The following FAT3 variants were observed in gnomAD, a reference collection of about 807,000 sequenced individuals.
FAT3 encodes FAT atypical cadherin 3, also known as protocadherin Fat 3.
In FAT3, 95 loss-of-function variants were observed where a neutral mutation model predicts 310.2. The observed-to-expected ratio is 0.31, with a 90% CI of 0.26 to 0.36. FAT3 has a LOEUF of 0.36. Ranked by LOEUF, FAT3 falls within the 10% of genes least tolerant of loss-of-function variation. FAT3 has a pLI of 1.00. For missense variants in FAT3, 5,408 were observed against 5,715.6 expected, an observed-to-expected ratio of 0.95 and a Z score of 1.74; for synonymous variants, 2,314 against 2,192.9, an observed-to-expected ratio of 1.06 and a Z score of -1.54.
chr11:92,386,753 G>A (rs1282701805), intron 2 of FAT3, among the ~76,000 whole-genome samples: 5 of 152,138 alleles, frequency 3.3e-5, no homozygotes, highest in Non-Finnish European at 7.3e-5. Flanking sequence ...TTTTATTTGG[G>A]GATTTCCTTG....
chr11:92,524,533 C>A, intron 2 of FAT3, 101 bp from the exon 3 acceptor site: 2 of 1,163,944 alleles, frequency 1.7e-6, no homozygotes, highest in South Asian at 1.6e-5. Context: ...GGGTGTTTTT[C>A]ATATGCCAAG....
intron 3 of FAT3, among the ~76,000 whole-genome samples, chr11:92,678,664 G>A (rs776211371): frequency 6.6e-6 from 1 of 152,182 alleles, no homozygotes; most frequent in South Asian, 2.1e-4. Context: ...AAGACTCCGA[G>A]TTTTTTAAAT....
chr11:92,784,188 C>T (rs1946829829), intron 7 of FAT3, among the ~76,000 whole-genome samples: 1 of 152,018 alleles, frequency 6.6e-6, no homozygotes, highest in Admixed American at 6.6e-5. Flanking sequence ...ACTGGTAAAC[C>T]AGAAATAATA....
chr11:92,464,328 C>A (rs1433223942), intron 2 of FAT3, among the ~76,000 whole-genome samples: 1 of 152,222 alleles, frequency 6.6e-6, no homozygotes, highest in African/African-American at 2.4e-5. Context: ...TGGGGGCCCA[C>A]AGAGTAAGTT....
At chr11:92,381,314 G>T (rs1949490289) in intron 2 of FAT3, among the ~76,000 whole-genome samples, 1 of 152,164 alleles carries the variant, frequency 6.6e-6, no homozygotes, top group Admixed American at 6.5e-5. Flanking sequence ...AGGAGTTTGA[G>T]TCTAGCCTAG....
chr11:92,598,114 A>G (rs1426550829), intron 3 of FAT3, among the ~76,000 whole-genome samples: 1 of 151,900 alleles, frequency 6.6e-6, no homozygotes, highest in African/African-American at 2.4e-5. Flanking sequence ...TCATGTGCAT[A>G]ATCAGACACA....
intron 3 of FAT3, among the ~76,000 whole-genome samples, chr11:92,557,355 T>C (rs951245323): frequency 6.6e-6 from 1 of 152,140 alleles, no homozygotes; most frequent in African/African-American, 2.4e-5. Flanking sequence ...GTGCCCGGGC[T>C]GATGACTTGT....
At chr11:92,303,389 C>T (rs1388239568) in intron 1 of FAT3, among the ~76,000 whole-genome samples, 1 of 152,078 alleles carries the variant, frequency 6.6e-6, no homozygotes, top group East Asian at 1.9e-4. Flanking sequence ...ATCACAATAT[C>T]TAGCAGCTCT....
At chr11:92,722,694 A>G (rs1005647637) in intron 4 of FAT3, among the ~76,000 whole-genome samples, 3 of 152,074 alleles carry the variant, frequency 2.0e-5, no homozygotes, top group Non-Finnish European at 4.4e-5. Context: ...GCATTTCTCT[A>G]TATCTTCTGA....
At chr11:92,628,706 C>G (rs1941430026) in intron 3 of FAT3, among the ~76,000 whole-genome samples, 1 of 152,204 alleles carries the variant, frequency 6.6e-6, no homozygotes, top group African/African-American at 2.4e-5. Flanking sequence ...AGGAGATTGT[C>G]CACTCTTGTC....
In FAT3 at chr11:92,315,512, T is replaced by C. The variant is rs71458698; in HGVS notation, c.-17-36584T>C. ...ATATATATATATATATATATATATA[T>C]AGAGAGAGAGAGAGAGAGAGAGAGA... On this transcript the variant is annotated intron_variant, in intron 1 of 27. Coordinates refer to ENST00000525166, the MANE Select transcript of FAT3 (RefSeq NM_001367949.2). 4.8e-3 allele frequency among the ~76,000 whole-genome samples: 268 copies of C among 56,196 alleles called. 1 individual carries two copies. Among genetic ancestry groups the C allele is most frequent in the Middle Eastern group, 0.016 (1 of 62 alleles). 36.9% of individuals were successfully genotyped at this position (56,196 alleles called of 152,430 possible).
intron 1 of FAT3, among the ~76,000 whole-genome samples, chr11:92,324,464 G>GGA (rs1565226859): frequency 6.6e-6 from 1 of 152,120 alleles, no homozygotes; most frequent in African/African-American, 2.4e-5. Flanking sequence ...CCGAGGAGAG[G>GGA]GAGAGAGATG....
intron 2 of FAT3, among the ~76,000 whole-genome samples, chr11:92,372,053 C>T (rs1257228481): frequency 6.6e-6 from 1 of 152,156 alleles, no homozygotes; most frequent in Non-Finnish European, 1.5e-5. Context: ...CTGAGAACCA[C>T]TCTATTTTGG....
intron 2 of FAT3, among the ~76,000 whole-genome samples, chr11:92,358,661 G>A (rs2134662885): frequency 6.6e-6 from 1 of 152,236 alleles, no homozygotes; most frequent in Admixed American, 6.5e-5. Context: ...GAGCTGATGA[G>A]GAGTGACCAT....
intron 1 of FAT3, among the ~76,000 whole-genome samples, chr11:92,280,380 G>T (rs1017675409): frequency 1.4e-4 from 21 of 152,092 alleles, no homozygotes; most frequent in Admixed American, 7.9e-4. Context: ...TAATTGAAAA[G>T]GTGTACTTTG....
intron 1 of FAT3, among the ~76,000 whole-genome samples, chr11:92,230,161 T>A (rs1864108079): frequency 1.3e-5 from 2 of 152,204 alleles, no homozygotes; most frequent in African/African-American, 4.8e-5. Flanking sequence ...AGGAAAGTTG[T>A]TTCTTTAACT....
intron 13 of FAT3, among the ~76,000 whole-genome samples, chr11:92,828,210 T>C (rs1948148153): frequency 6.6e-6 from 1 of 151,970 alleles, no homozygotes; most frequent in African/African-American, 2.4e-5. Flanking sequence ...GTGTCCACTT[T>C]AGCAACATGA....
At chr11:92,374,677 T>C (rs1018015918) in intron 2 of FAT3, among the ~76,000 whole-genome samples, 2 of 152,160 alleles carry the variant, frequency 1.3e-5, no homozygotes, top group Admixed American at 6.5e-5. Flanking sequence ...TAAGAGTGAA[T>C]CAAAAGTCGT....
rs184923010 is a variant in FAT3, at chr11:92,801,923, C to T, written c.8896+14C>T. 4,933 of 1,604,300 alleles carry T rather than the reference C, an allele frequency of 3.1e-3. 9 individuals are homozygous for T. Among genetic ancestry groups the T allele is most frequent in the Non-Finnish European group, 3.9e-3 (4,525 of 1,173,384 alleles). On this transcript the variant is annotated intron_variant, in intron 10 of 27. Transcript: ENST00000525166. ...ACCATATTACAGGTGAGTAAATACC[C>T]CCAGTTTTCATTATGTGCACTGCTT...
Sources: gnomAD v4.1 joint callset for allele counts (sites outside exome capture counted in the v4.1 genomes callset) on GRCh38, gnomAD v4.1.1 for gene constraint, MANE v1.5 for transcripts, NCBI Gene and HGNC (gene_info 2026-07-23, HGNC 2026-07-21) for gene names.